Variants in CLCN5 observed in about 807,000 individuals in gnomAD.
The protein encoded by CLCN5 is H(+)/Cl(-) exchange transporter 5.
Under a neutral mutation model 54.0 loss-of-function variants are expected in CLCN5, and 17 were observed. The ratio of observed to expected loss-of-function variants is 0.31; its 90% CI spans 0.22 to 0.47. The LOEUF (loss-of-function observed/expected upper bound fraction) is 0.47. Ranked by LOEUF, CLCN5 falls within the 20% of genes least tolerant of loss-of-function variation. CLCN5 has a pLI of 1.00. For synonymous variants in CLCN5, 222 were observed against 233.0 expected (o/e 0.95, Z 0.43); for missense variants, 448 against 646.7 (o/e 0.69, Z 3.33).
intron 3 of CLCN5, among the ~76,000 whole-genome samples, chrX:49,966,589 CTTT>C (rs1186780675): frequency 9.0e-4 from 16 of 17,799 alleles, no homozygotes; most frequent in Non-Finnish European, 1.1e-3. Flanking sequence ...TATCTCTGAT[CTTT>C]TTTTTTTTTT....
At chrX:50,062,579 G>C (rs1280075920) in intron 4 of CLCN5, among the ~76,000 whole-genome samples, 2 of 70,201 alleles carry the variant, frequency 2.8e-5, no homozygotes, top group African/African-American at 7.3e-5. Context: ...ACACCCCACT[G>C]TCAACATTAG....
At chrX:50,059,214 C>T (rs951587114) in intron 4 of CLCN5, among the ~76,000 whole-genome samples, 1 of 111,884 alleles carries the variant, frequency 8.9e-6, no homozygotes, top group Non-Finnish European at 1.9e-5. Context: ...ACTGATGAAA[C>T]CTAAAATAGT....
chrX:49,946,809 C>CT (rs1926772138), intron 3 of CLCN5, among the ~76,000 whole-genome samples: 2 of 107,714 alleles, frequency 1.9e-5, no homozygotes, highest in South Asian at 3.8e-4. Flanking sequence ...TGAAGACTTT[C>CT]TTTTTTTCTT....
At chrX:50,062,836 A>G in intron 4 of CLCN5, among the ~76,000 whole-genome samples, 1 of 104,665 alleles carries the variant, frequency 9.6e-6, no homozygotes, top group Non-Finnish European at 1.9e-5. Flanking sequence ...ATCAAACTAG[A>G]ACTCAGGATT....
At chrX:50,082,588 C>T (rs1933743426) in intron 9 of CLCN5, among the ~76,000 whole-genome samples, 1 of 111,414 alleles carries the variant, frequency 9.0e-6, no homozygotes, top group Non-Finnish European at 1.9e-5. Context: ...GCTGGGATTA[C>T]AGGCATGAGA....
At chrX:49,940,088 G>C (rs1317308505) in intron 3 of CLCN5, among the ~76,000 whole-genome samples, 1 of 111,233 alleles carries the variant, frequency 9.0e-6, no homozygotes, top group African/African-American at 3.3e-5. Context: ...TCAAATCCTA[G>C]CTCCACCAAC....
chrX:49,939,956 CT>C (rs1340115006), intron 3 of CLCN5, among the ~76,000 whole-genome samples: 1 of 111,582 alleles, frequency 9.0e-6, no homozygotes, highest in Non-Finnish European at 1.9e-5. Flanking sequence ...ATTCCAGTCT[CT>C]TTTTTCCATC....
intron 3 of CLCN5, among the ~76,000 whole-genome samples, chrX:49,936,608 T>G (rs782598501): frequency 2.5e-4 from 28 of 112,465 alleles, no homozygotes; most frequent in Non-Finnish European, 3.9e-4. Flanking sequence ...TATTTTTATG[T>G]TAAATATCTG....
At chrX:49,929,465 A>G (rs1925528041) in intron 3 of CLCN5, among the ~76,000 whole-genome samples, 1 of 111,949 alleles carries the variant, frequency 8.9e-6, no homozygotes, top group Admixed American at 9.5e-5. Flanking sequence ...GCTGGGCCCT[A>G]GAGACGCAAT....
intron 3 of CLCN5, among the ~76,000 whole-genome samples, chrX:49,944,966 G>T (rs1926614226): frequency 8.9e-6 from 1 of 112,113 alleles, no homozygotes; most frequent in Non-Finnish European, 1.9e-5. Flanking sequence ...TTAACTAGTT[G>T]CTAGATAAAT....
chrX:50,000,940 A>G (rs782302218), intron 3 of CLCN5, among the ~76,000 whole-genome samples: 3 of 110,799 alleles, frequency 2.7e-5, no homozygotes, highest in Non-Finnish European at 5.7e-5. Flanking sequence ...ACTGTTTCAT[A>G]ATTCTTTCCT....
At chrX:50,085,905 T>G (rs1266283420) in intron 9 of CLCN5, 75 bp from the exon 10 acceptor site, 1 of 852,575 alleles carries the variant, frequency 1.2e-6, no homozygotes. Context: ...CTACTAACAT[T>G]TCTTCTAAAA....
chrX:50,087,168 T>A (rs1472435737), intron 11 of CLCN5, among the ~76,000 whole-genome samples: 1 of 111,807 alleles, frequency 8.9e-6, no homozygotes, highest in Non-Finnish European at 1.9e-5. Context: ...TCAAAAATGA[T>A]GGTGAAGTAT....
chrX:49,969,970 A>G (rs782518010), intron 3 of CLCN5, among the ~76,000 whole-genome samples: 6 of 111,324 alleles, frequency 5.4e-5, no homozygotes, highest in African/African-American at 2.0e-4. Context: ...TGTACTTTTG[A>G]TGAATTGCTC....
At chrX:50,063,625 T>C (rs1216793028) in intron 4 of CLCN5, among the ~76,000 whole-genome samples, 2 of 106,773 alleles carry the variant, frequency 1.9e-5, no homozygotes, top group African/African-American at 7.0e-5. Flanking sequence ...TTCCAATCAA[T>C]AGAAAAAGAG....
chrX:50,081,942 T>C (rs1933720030), intron 9 of CLCN5, 95 bp downstream of exon 9: 1 of 774,914 alleles, frequency 1.3e-6, no homozygotes, highest in African/African-American at 2.1e-5. Context: ...CCAATGTTAA[T>C]GCAAACACCC....
chrX:49,949,468 A>T lies in CLCN5; in HGVS notation c.16+24154A>T, dbSNP rs144034995. Reference sequence around the variant, plus strand: ...GCTACCTAGTTGAAAGCTAGAGGATATGACAATTGTTTGGCTTTTAATAAC... The same window carrying T: ...GCTACCTAGTTGAAAGCTAGAGGATTTGACAATTGTTTGGCTTTTAATAAC... On this transcript the variant is annotated intron_variant, in intron 3 of 14. Coordinates refer to ENST00000376091, the MANE Select transcript of CLCN5 (RefSeq NM_001127898.4). 5.3e-5 allele frequency among the ~76,000 whole-genome samples: 6 copies of T among 112,254 alleles called. No individual in the cohort carries two copies. In the East Asian group the frequency reaches 1.7e-3, roughly 31 times the overall value.
intron 3 of CLCN5, among the ~76,000 whole-genome samples, chrX:49,941,147 A>G (rs1209654617): frequency 2.7e-5 from 3 of 109,938 alleles, no homozygotes; most frequent in Admixed American, 9.7e-5. Flanking sequence ...ACATGGTGAA[A>G]CTCCATCTCT....
At chrX:50,022,991 G>A (rs1387015620) in intron 3 of CLCN5, among the ~76,000 whole-genome samples, 1 of 84,435 alleles carries the variant, frequency 1.2e-5, no homozygotes, top group Admixed American at 1.2e-4. Flanking sequence ...TGTCTATTAG[G>A]TCTGCTTGGT....
Sources: gnomAD v4.1 joint callset for allele counts (sites outside exome capture counted in the v4.1 genomes callset) on GRCh38, gnomAD v4.1.1 for gene constraint, MANE v1.5 for transcripts, NCBI Gene and HGNC (gene_info 2026-07-23, HGNC 2026-07-21) for gene names.